Variants in RAP1GAP2 observed in about 807,000 individuals in gnomAD.
RAP1GAP2 encodes the protein rap1 GTPase-activating protein 2.
RAP1GAP2 carries 27 observed loss-of-function variants against 95.0 expected under a neutral mutation model. The ratio of observed to expected loss-of-function variants is 0.28; its 90% CI spans 0.21 to 0.39. The LOEUF (loss-of-function observed/expected upper bound fraction) is 0.39. Among genes scored for constraint, RAP1GAP2 ranks in the 10% least tolerant of loss-of-function variants. The pLI is 1.00. For missense variants in RAP1GAP2, 771 were observed against 970.0 expected (o/e 0.79, Z 2.72); for synonymous variants, 373 against 380.9 (o/e 0.98, Z 0.24).
At chr17:2,764,367 G>A (rs1016711096) in intron 1 of RAP1GAP2, among the ~76,000 whole-genome samples, 3 of 151,786 alleles carry the variant, frequency 2.0e-5, no homozygotes, top group Non-Finnish European at 2.9e-5. Context: ...GGGAGGTGGA[G>A]GTTGCAGTGA....
chr17:3,013,456 C>T (rs1419935737), intron 17 of RAP1GAP2, among the ~76,000 whole-genome samples: 1 of 152,146 alleles, frequency 6.6e-6, no homozygotes, highest in East Asian at 1.9e-4. Flanking sequence ...GAGTTGGCAT[C>T]TGTCTTGCAT....
intron 2 of RAP1GAP2, among the ~76,000 whole-genome samples, chr17:2,891,238 C>A (rs1019707777): frequency 2.0e-5 from 3 of 151,840 alleles, no homozygotes; most frequent in Non-Finnish European, 4.4e-5. Context: ...GTCTTGACCT[C>A]CAGGGTTCAA....
chr17:2,833,327 A>G (rs1478579504), intron 2 of RAP1GAP2, among the ~76,000 whole-genome samples: 1 of 151,286 alleles, frequency 6.6e-6, no homozygotes, highest in Non-Finnish European at 1.5e-5. Flanking sequence ...AGTAGAGATG[A>G]GGTTTCACCA....
intron 3 of RAP1GAP2, among the ~76,000 whole-genome samples, chr17:2,929,741 G>T (rs1036072513): frequency 5.3e-5 from 8 of 152,226 alleles, no homozygotes; most frequent in African/African-American, 1.9e-4. Flanking sequence ...AAGGCAGTGG[G>T]CTCTTTTCCT....
At chr17:2,944,802 A>T (rs1473387304) in intron 3 of RAP1GAP2, among the ~76,000 whole-genome samples, 1 of 152,080 alleles carries the variant, frequency 6.6e-6, no homozygotes, top group East Asian at 1.9e-4. Context: ...CTTTAATGTC[A>T]TTGGGCAATG....
intron 3 of RAP1GAP2, among the ~76,000 whole-genome samples, chr17:2,929,513 G>T (rs2043074331): frequency 6.6e-6 from 1 of 152,182 alleles, no homozygotes; most frequent in African/African-American, 2.4e-5. Context: ...GGCATCTCCT[G>T]GGGCAGTTGG....
intron 11 of RAP1GAP2, 123 bp downstream of exon 11, chr17:2,985,189 A>C (rs1026585249): frequency 6.7e-7 from 1 of 1,491,110 alleles, no homozygotes; most frequent in African/African-American, 1.4e-5. Flanking sequence ...TACAACGGTC[A>C]CATTTAAGGT....
At chr17:2,876,903 T>TTTG (rs915637850) in intron 2 of RAP1GAP2, among the ~76,000 whole-genome samples, 22 of 151,290 alleles carry the variant, frequency 1.5e-4, no homozygotes, top group African/African-American at 4.6e-4. Context: ...TTTTTTTTTT[T>TTTG]TCTTGAGACG....
At chr17:2,762,065 T>G (rs2071263135) in intron 1 of RAP1GAP2, among the ~76,000 whole-genome samples, 1 of 140,316 alleles carries the variant, frequency 7.1e-6, no homozygotes, top group African/African-American at 2.6e-5. Flanking sequence ...CTTGGCTTAC[T>G]GCAAGCTCCG....
chr17:2,830,975 TTCCCCTACCCTTCCCTCCAC>T (rs2070815098), intron 2 of RAP1GAP2, among the ~76,000 whole-genome samples: 4 of 44,638 alleles, frequency 9.0e-5, no homozygotes, highest in Non-Finnish European at 8.9e-5. Flanking sequence ...CTTCCCTCCC[TTCCCCTACCCTTCCCTCCAC>T]TTCCCTCCCC....
intron 3 of RAP1GAP2, among the ~76,000 whole-genome samples, chr17:2,940,476 GGGACTCCTCAGCTGGGC>G (rs2043454137): frequency 6.6e-6 from 1 of 152,252 alleles, no homozygotes; most frequent in Admixed American, 6.5e-5. Flanking sequence ...GAGAGGGGGA[GGGACTCCTCAGCTGGGC>G]TTCCGCCTGG....
Position 3,004,921 on chromosome 17 carries a change from T to A in RAP1GAP2, c.1201-448T>A, listed in dbSNP as rs1336893655. On this transcript the variant is annotated intron_variant, in intron 14 of 24. Transcript: ENST00000254695. The surrounding 1 kb of genome is among the most constrained non-coding windows in gnomAD (Gnocchi z 4.1). Reference sequence around the variant, plus strand: ...AGAGACGGGTCGGGAGAGGTCTGGATGCTCTGTTCCTCTGCGGCTAATCAC... The same window carrying A: ...AGAGACGGGTCGGGAGAGGTCTGGAAGCTCTGTTCCTCTGCGGCTAATCAC... Among the ~76,000 whole-genome samples the A allele has an allele frequency of 6.6e-6, 1 of 152,182 alleles. No individual in the cohort carries two copies. The highest frequency in any genetic ancestry group is 6.5e-5 in the Admixed American group (1 of 15,280).
At position 3,036,715 on chromosome 17, in the gene RAP1GAP2, T is replaced by C. The variant is rs2047474706; in HGVS notation, c.*3354T>C. 1 of 152,478 alleles carries C rather than the reference T, an allele frequency of 6.6e-6. No homozygotes were observed. The highest frequency in any genetic ancestry group is 2.4e-5 in the African/African-American group (1 of 41,418). 9.4% of individuals were successfully genotyped at this position (152,478 alleles called of 1,614,324 possible). A position where few individuals can be genotyped will look rare whatever the true frequency, so the allele number is the denominator to read the frequency against. On this transcript the variant is annotated 3_prime_UTR_variant, in exon 25 of 25. Coordinates refer to ENST00000254695, the MANE Select transcript of RAP1GAP2 (RefSeq NM_015085.5). ...CACCCTCAGCTTCCCTTTTCCTAAA[T>C]TAAGAGGAAAAGTGGTCAAAGAAAA...
At chr17:2,771,492 T>TG (rs1378948599) in intron 2 of RAP1GAP2, among the ~76,000 whole-genome samples, 13 of 148,632 alleles carry the variant, frequency 8.7e-5, no homozygotes, top group African/African-American at 1.5e-4. Context: ...TTTTGTTTTT[T>TG]TTTTTTGTTT....
At chr17:3,026,508 C>A in intron 21 of RAP1GAP2, 44 bp downstream of exon 21, 1 of 1,412,576 alleles carries the variant, frequency 7.1e-7, no homozygotes, top group Non-Finnish European at 9.6e-7. Context: ...TCTGGGGCGT[C>A]AGCCAGCCAC....
intron 3 of RAP1GAP2, among the ~76,000 whole-genome samples, chr17:2,924,748 A>G (rs540422786): frequency 3.0e-4 from 45 of 152,200 alleles, no homozygotes; most frequent in Non-Finnish European, 5.9e-4. Context: ...AGTCATTTCA[A>G]TACTCTTTAG....
intron 8 of RAP1GAP2, among the ~76,000 whole-genome samples, chr17:2,979,598 C>T (rs2045273916): frequency 6.6e-6 from 1 of 151,314 alleles, no homozygotes; most frequent in African/African-American, 2.4e-5. Context: ...TCCCAAGTAG[C>T]TGGGATTACA....
intron 4 of RAP1GAP2, among the ~76,000 whole-genome samples, chr17:2,962,015 G>T (rs1181133674): frequency 6.7e-6 from 1 of 149,652 alleles, no homozygotes; most frequent in East Asian, 2.0e-4. Context: ...CAATTCTACC[G>T]CCTCAGCCTC....
intron 14 of RAP1GAP2, among the ~76,000 whole-genome samples, chr17:2,999,918 G>A (rs983487371): frequency 5.3e-5 from 8 of 152,124 alleles, no homozygotes; most frequent in African/African-American, 1.4e-4. Context: ...TTTAGCTGAA[G>A]CTGGCGAAGA....
Sources: allele counts gnomAD v4.1 joint callset (sites outside exome capture counted in the v4.1 genomes callset), GRCh38; gene constraint gnomAD v4.1.1; non-coding constraint Gnocchi (gnomAD v3.1); transcripts MANE v1.5; gene names NCBI Gene and HGNC (gene_info 2026-07-23, HGNC 2026-07-21).